KCNIP1: variants seen among roughly 807,000 people sequenced by gnomAD.
The protein encoded by KCNIP1 is A-type potassium channel modulatory protein KCNIP1.
KCNIP1 carries 18 observed loss-of-function variants against 33.0 expected under a neutral mutation model. The observed-to-expected ratio is 0.55, with a 90% CI of 0.38 to 0.81. KCNIP1 has a LOEUF of 0.81. Ranked by LOEUF, KCNIP1 falls within the 30% of genes least tolerant of loss-of-function variation. The probability of loss-of-function intolerance (pLI) is 0.00; values close to 1 mark genes in which losing one functional copy is unlikely to be tolerated. For missense variants in KCNIP1, 238 were observed against 271.6 expected, an observed-to-expected ratio of 0.88 and a Z score of 0.87; for synonymous variants, 93 against 98.3, an observed-to-expected ratio of 0.95 and a Z score of 0.32.
At chr5:170,491,497 T>A (rs1757205558) in intron 1 of KCNIP1, among the ~76,000 whole-genome samples, 1 of 151,456 alleles carries the variant, frequency 6.6e-6, no homozygotes, top group African/African-American at 2.4e-5. Context: ...TTCCTCCTCA[T>A]CACTTACCTA....
chr5:170,418,049 A>C (rs2113420992), intron 1 of KCNIP1, among the ~76,000 whole-genome samples: 1 of 152,288 alleles, frequency 6.6e-6, no homozygotes, highest in Middle Eastern at 3.4e-3. Flanking sequence ...AAACCTGAAA[A>C]TCACCTTTCT....
At position 170,662,603 on chromosome 5, in the gene KCNIP1, G is replaced by A. The variant is rs138136966; in HGVS notation, c.62-56155G>A. Reference sequence around the variant, plus strand: ...GCCAGAAGCCTTGCCACCTCCCCAGGCTACATCCAGGAAGAGGCACCAAGC... The same window carrying A: ...GCCAGAAGCCTTGCCACCTCCCCAGACTACATCCAGGAAGAGGCACCAAGC... On this transcript the variant is annotated intron_variant, in intron 1 of 7. Coordinates refer to ENST00000328939, the MANE Select transcript of KCNIP1 (RefSeq NM_014592.4). 1.7e-3 allele frequency among the ~76,000 whole-genome samples: 257 copies of A among 152,240 alleles called. 1 individual carries two copies. Among genetic ancestry groups the A allele is most frequent in the African/African-American group, 5.8e-3 (243 of 41,548 alleles).
chr5:170,497,967 G>A (rs1030384780), intron 1 of KCNIP1, among the ~76,000 whole-genome samples: 6 of 152,322 alleles, frequency 3.9e-5, no homozygotes, highest in South Asian at 2.1e-4. Flanking sequence ...CCTGTGCCCC[G>A]GCTTCCCCGG....
At chr5:170,732,620 A>G (rs1764244385) in intron 5 of KCNIP1, among the ~76,000 whole-genome samples, 180 bp from the exon 6 acceptor site, 1 of 151,966 alleles carries the variant, frequency 6.6e-6, no homozygotes, top group Admixed American at 6.6e-5. Flanking sequence ...CCTCTCTAAG[A>G]AGGGCTCCCA....
At chr5:170,552,056 C>T (rs1236810310) in intron 1 of KCNIP1, among the ~76,000 whole-genome samples, 1 of 151,750 alleles carries the variant, frequency 6.6e-6, no homozygotes, top group African/African-American at 2.4e-5. Context: ...CCGATGTTCA[C>T]GATGGGCTGG....
intron 1 of KCNIP1, among the ~76,000 whole-genome samples, chr5:170,542,735 T>A (rs946592592): frequency 2.7e-5 from 4 of 150,940 alleles, no homozygotes; most frequent in Admixed American, 6.6e-5. Flanking sequence ...CAATAACTAA[T>A]AATAAAATAG....
chr5:170,733,502 A>G (rs916148431), intron 6 of KCNIP1, among the ~76,000 whole-genome samples: 3 of 152,250 alleles, frequency 2.0e-5, no homozygotes, highest in Non-Finnish European at 4.4e-5. Flanking sequence ...AACAGGCCAG[A>G]ATCAGAACCT....
At chr5:170,581,131 C>T (rs1163560958) in intron 1 of KCNIP1, among the ~76,000 whole-genome samples, 1 of 152,172 alleles carries the variant, frequency 6.6e-6, no homozygotes, top group African/African-American at 2.4e-5. Flanking sequence ...GCCTGGGATG[C>T]AAAAGCCATA....
chr5:170,623,830 G>A (rs754823380), intron 1 of KCNIP1, among the ~76,000 whole-genome samples: 1 of 152,164 alleles, frequency 6.6e-6, no homozygotes, highest in Non-Finnish European at 1.5e-5. Context: ...TTTGGACACT[G>A]GGAGGTCTTA....
intron 1 of KCNIP1, among the ~76,000 whole-genome samples, chr5:170,456,112 T>C (rs1756365036): frequency 6.6e-6 from 1 of 152,170 alleles, no homozygotes; most frequent in African/African-American, 2.4e-5. Context: ...ATATACACCA[T>C]GGAATACTAT....
intron 1 of KCNIP1, among the ~76,000 whole-genome samples, chr5:170,604,576 GTGGGCCATTT>G (rs1375039204): frequency 6.6e-6 from 1 of 152,200 alleles, no homozygotes; most frequent in Non-Finnish European, 1.5e-5. Context: ...ATGCATAAAT[GTGGGCCATTT>G]TGTCCCCAAG....
chr5:170,412,031 T>G (rs1284983046), intron 1 of KCNIP1, among the ~76,000 whole-genome samples: 1 of 152,208 alleles, frequency 6.6e-6, no homozygotes, highest in Non-Finnish European at 1.5e-5. Context: ...GCAGAGGGCC[T>G]GCCCATAGCA....
chr5:170,572,565 T>G (rs537880714), intron 1 of KCNIP1, among the ~76,000 whole-genome samples: 1 of 152,356 alleles, frequency 6.6e-6, no homozygotes, highest in South Asian at 2.1e-4. Context: ...CACTCGCACA[T>G]TGTTCCTGTT....
intron 1 of KCNIP1, among the ~76,000 whole-genome samples, chr5:170,467,461 G>A (rs2113124121): frequency 6.6e-6 from 1 of 152,202 alleles, no homozygotes; most frequent in South Asian, 2.1e-4. Context: ...GTGGGGAGGA[G>A]GAACAGCTTC....
At chr5:170,721,424 G>T (rs1763820119) in intron 3 of KCNIP1, among the ~76,000 whole-genome samples, 1 of 152,172 alleles carries the variant, frequency 6.6e-6, no homozygotes, top group Non-Finnish European at 1.5e-5. Flanking sequence ...GAGAGGTCGT[G>T]CTTGATGCCC....
chr5:170,370,283 T>C (rs78278874), intron 1 of KCNIP1, among the ~76,000 whole-genome samples: 1,961 of 152,318 alleles, frequency 0.013, 63 homozygotes, highest in East Asian at 0.11. Flanking sequence ...GCATCTTTTA[T>C]GCACCGTGCT....
chr5:170,539,479 T>G (rs554701672), intron 1 of KCNIP1, among the ~76,000 whole-genome samples: 12 of 152,288 alleles, frequency 7.9e-5, no homozygotes, highest in African/African-American at 2.6e-4. Flanking sequence ...TTGCAATTTT[T>G]GGGCATCCGG....
chr5:170,353,568 C>T lies in KCNIP1; in HGVS notation c.-309C>T, dbSNP rs897477434. The T allele has an allele frequency of 8.1e-5, 38 of 471,428 alleles. No individual in the cohort carries two copies. The East Asian group carries it at 1.5e-3, about 18-fold the overall frequency. The allele number at this position is 471,428 out of a possible 1,614,324, so 29.2% of individuals were successfully genotyped here. A position where few individuals can be genotyped will look rare whatever the true frequency, so the allele number is the denominator to read the frequency against. On this transcript the variant is annotated 5_prime_UTR_variant, in exon 1 of 8. Transcript: ENST00000377360. Reference sequence around the variant, plus strand: ...TCAACTTCACTCTCCTCCTCGGTTCCCTTGGAGTACCTTGTGCCCCGGCAG... The same window carrying T: ...TCAACTTCACTCTCCTCCTCGGTTCTCTTGGAGTACCTTGTGCCCCGGCAG...
chr5:170,568,061 T>C (rs934991683), intron 1 of KCNIP1, among the ~76,000 whole-genome samples: 5 of 152,320 alleles, frequency 3.3e-5, no homozygotes, highest in Admixed American at 6.5e-5. Flanking sequence ...ACTGCCTCTC[T>C]CTGAAGCTCA....
Sources: gnomAD v4.1 joint callset for allele counts (sites outside exome capture counted in the v4.1 genomes callset) on GRCh38, gnomAD v4.1.1 for gene constraint, MANE v1.5 for transcripts, NCBI Gene and HGNC (gene_info 2026-07-23, HGNC 2026-07-21) for gene names.